NUP133: variants seen among roughly 807,000 people sequenced by gnomAD.
The protein encoded by NUP133 is nucleoporin 133, also known as nuclear pore complex protein Nup133.
In NUP133, 66 loss-of-function variants were observed where a neutral mutation model predicts 146.2. The ratio of observed to expected loss-of-function variants is 0.45; its 90% CI spans 0.37 to 0.55. The LOEUF (loss-of-function observed/expected upper bound fraction) is 0.55, where lower values mean the gene tolerates loss of function less well. Among genes scored for constraint, NUP133 ranks in the 20% least tolerant of loss-of-function variants. NUP133 has a pLI of 0.00. For synonymous variants in NUP133, 521 were observed against 498.8 expected, an observed-to-expected ratio of 1.04 and a Z score of -0.59; for missense variants, 1,277 against 1,374.8, an observed-to-expected ratio of 0.93 and a Z score of 1.12.
Position 229,477,665 on chromosome 1 carries a change from T to C in NUP133, c.1688A>G (p.Gln563Arg), listed in dbSNP as rs1219923496. The part of the protein sequence containing the change: ...SDSELDRAVT[Q>R]ISVDLMDDYP... ...GTCATCCATCAGGTCTACACTGATTTGGGTAACTGCCCTGTCTAGTTCAGA... is the reference window on the plus strand; with the variant it reads ...GTCATCCATCAGGTCTACACTGATTCGGGTAACTGCCCTGTCTAGTTCAGA... Residue 563 changes from glutamine to arginine, a missense_variant, in exon 13 of 26, where the codon CAA becomes CGA. Physicochemically the swap from Gln to Arg is conservative, Grantham distance 43 (BLOSUM62 1). Around this residue, in one of 3 missense-constraint regions of NUP133, gnomAD observed 952 missense variants for 1,047.0 expected, o/e 0.91. Coordinates refer to ENST00000261396, the MANE Select transcript of NUP133 (RefSeq NM_018230.3). 1 of 1,613,938 alleles carries C rather than the reference T, an allele frequency of 6.2e-7. No individual in the cohort carries two copies. The highest frequency in any genetic ancestry group is 1.3e-5 in the African/African-American group (1 of 74,898).
At chr1:229,478,498 G>T (rs1389926793) in intron 12 of NUP133, among the ~76,000 whole-genome samples, 2 of 152,032 alleles carry the variant, frequency 1.3e-5, no homozygotes, top group Admixed American at 6.6e-5. Context: ...ATCCACATCC[G>T]TCCGCAAGTA....
At chr1:229,500,669 A>C in intron 4 of NUP133, 87 bp downstream of exon 4, 2 of 735,680 alleles carry the variant, frequency 2.7e-6, no homozygotes, top group East Asian at 5.4e-5. Context: ...TTATAGTTAT[A>C]TCTCAAAATC....
chr1:229,452,803 AT>A (rs1282398664), intron 21 of NUP133, among the ~76,000 whole-genome samples, 160 bp from the exon 22 acceptor site: 12 of 152,200 alleles, frequency 7.9e-5, no homozygotes, highest in African/African-American at 2.7e-4. Context: ...TTTAATTCTT[AT>A]TCTTGATTGC....
rs751595970 is a variant in NUP133, at chr1:229,500,816, C to G, written c.453G>C (p.Trp151Cys). The stretch of plus-strand genomic sequence containing the variant: ...AAGAAAGAGCCACTAAGTCGGCACT[C>G]CAGTGGAAATCACTAGGTGGCAGCT... Reference protein sequence around the residue: ...ELQLPPSDFHWSADLVALSYS... With the variant: ...ELQLPPSDFHCSADLVALSYS... The change falls in exon 4 of 26, where the codon TGG (tryptophan) becomes TGC (cysteine). Residue 151 changes from tryptophan (W) to cysteine (C), a missense_variant. By Grantham distance (215) the Trp-to-Cys change is radical. This residue lies in a region of NUP133 where 319 missense variants were observed against 306.9 expected (regional missense o/e 1.04). Coordinates refer to ENST00000261396, the MANE Select transcript of NUP133 (RefSeq NM_018230.3). The G allele has an allele frequency of 1.2e-6, 2 of 1,613,036 alleles. No homozygotes were observed. The highest frequency in any genetic ancestry group is 2.2e-5 in the East Asian group (1 of 44,848).
At chr1:229,502,477 T>G (rs918553188) in intron 2 of NUP133, among the ~76,000 whole-genome samples, 2 of 140,330 alleles carry the variant, frequency 1.4e-5, no homozygotes, top group African/African-American at 5.4e-5. Context: ...GAGAATCGCT[T>G]GAACCTGGGA....
At chr1:229,473,404 G>T (rs1243860343) in intron 14 of NUP133, among the ~76,000 whole-genome samples, 3 of 152,178 alleles carry the variant, frequency 2.0e-5, no homozygotes, top group Non-Finnish European at 4.4e-5. Context: ...TTCAGAACTA[G>T]CTAGACATTG....
intron 14 of NUP133, among the ~76,000 whole-genome samples, chr1:229,473,721 G>T (rs113247591): frequency 6.6e-5 from 10 of 152,132 alleles, no homozygotes; most frequent in Admixed American, 5.9e-4. Flanking sequence ...TTAAGAGTTC[G>T]AAACTAGCCT....
intron 24 of NUP133, among the ~76,000 whole-genome samples, chr1:229,448,613 C>G (rs768297220): frequency 1.1e-4 from 16 of 152,124 alleles, no homozygotes; most frequent in Non-Finnish European, 1.6e-4. Context: ...AGTAGCCATT[C>G]TTTTATTTTC....
chr1:229,500,917 G>T, intron 3 of NUP133, 54 bp from the exon 4 acceptor site: 1 of 1,060,230 alleles, frequency 9.4e-7, no homozygotes, highest in Non-Finnish European at 1.4e-6. Context: ...GTATTTTGAA[G>T]ATGCATCTGA....
chr1:229,448,176 C>A (rs1175247545), intron 24 of NUP133, among the ~76,000 whole-genome samples: 1 of 152,198 alleles, frequency 6.6e-6, no homozygotes, highest in African/African-American at 2.4e-5. Context: ...CGCCTGTAAT[C>A]CCAGCATTTT....
chr1:229,502,195 AACG>A (rs1268612798), intron 2 of NUP133, 93 bp from the exon 3 acceptor site: 3 of 837,592 alleles, frequency 3.6e-6, no homozygotes, highest in Non-Finnish European at 6.0e-6. Flanking sequence ...CACACTCAGA[AACG>A]ACTACCTCAC....
At chr1:229,465,298 T>C in intron 17 of NUP133, 122 bp downstream of exon 17, 1 of 738,886 alleles carries the variant, frequency 1.4e-6, no homozygotes, top group South Asian at 1.7e-5. Flanking sequence ...GAGCTGCTCA[T>C]TTTGGAGACG....
chr1:229,492,233 A>T (rs1042245422), intron 8 of NUP133, among the ~76,000 whole-genome samples: 1 of 151,558 alleles, frequency 6.6e-6, no homozygotes, highest in Non-Finnish European at 1.5e-5. Context: ...CAGCCTCCCG[A>T]GTGGCTGGGA....
In NUP133 at chr1:229,441,853, T is replaced by A. The variant is rs758692612; in HGVS notation, c.*51A>T. On this transcript the variant is annotated 3_prime_UTR_variant, in exon 26 of 26. Coordinates refer to ENST00000261396, the MANE Select transcript of NUP133 (RefSeq NM_018230.3). ...ACTTGTTTATGGCCTAAAATTTGTA[T>A]AAGGACACACTTATACAGATTTCAT... is the stretch of plus-strand genomic sequence containing the variant. The A allele has an allele frequency of 1.4e-6, 2 of 1,441,578 alleles. No homozygotes were observed. The highest frequency in any genetic ancestry group is 1.9e-6 in the Non-Finnish European group (2 of 1,077,916). The allele number at this position is 1,441,578 out of a possible 1,614,324, so 89.3% of individuals were successfully genotyped here. A position where few individuals can be genotyped will look rare whatever the true frequency, so the allele number is the denominator to read the frequency against.
chr1:229,468,111 G>A (rs536831073), intron 15 of NUP133, among the ~76,000 whole-genome samples: 3 of 152,192 alleles, frequency 2.0e-5, no homozygotes, highest in South Asian at 4.1e-4. Flanking sequence ...CAGAGCCCTG[G>A]GAGGTACAAG....
At chr1:229,489,269 C>T (rs1661450995) in intron 9 of NUP133, among the ~76,000 whole-genome samples, 1 of 152,134 alleles carries the variant, frequency 6.6e-6, no homozygotes, top group Admixed American at 6.5e-5. Flanking sequence ...GATCTTCCTG[C>T]CTCGGCCTGT....
chr1:229,479,228 A>G (rs1661150065), intron 12 of NUP133, among the ~76,000 whole-genome samples: 1 of 152,216 alleles, frequency 6.6e-6, no homozygotes, highest in Non-Finnish European at 1.5e-5. Flanking sequence ...CCAGCATACA[A>G]AAAGGCGACC....
intron 24 of NUP133, among the ~76,000 whole-genome samples, chr1:229,445,966 C>T (rs975071915): frequency 3.3e-5 from 5 of 152,194 alleles, no homozygotes; most frequent in African/African-American, 1.2e-4. Context: ...AGGCTTTTAG[C>T]AGTCAATTCA....
In NUP133 at chr1:229,490,930, G is replaced by A. The variant is rs145455039; in HGVS notation, c.1047-828C>T. ...CGCACCACTGCACTCCAGCCTGGGC[G>A]ATAGAGTGACACCCCATCTTAAAAA... On this transcript the variant is annotated intron_variant, in intron 8 of 25. Coordinates refer to ENST00000261396, the MANE Select transcript of NUP133 (RefSeq NM_018230.3). Among the ~76,000 whole-genome samples, 564 of 146,486 alleles carry A rather than the reference G, an allele frequency of 3.9e-3. 1 individual carries two copies. The highest frequency in any genetic ancestry group is 0.014 in the African/African-American group (547 of 39,738).
Sources: allele counts gnomAD v4.1 joint callset (sites outside exome capture counted in the v4.1 genomes callset), GRCh38; gene constraint gnomAD v4.1.1; regional missense constraint gnomAD v4.1.1; transcripts MANE v1.5; gene names NCBI Gene and HGNC (gene_info 2026-07-23, HGNC 2026-07-21).